SEMA5A: variants seen among roughly 807,000 people sequenced by gnomAD.
SEMA5A encodes semaphorin 5A.
Under a neutral mutation model 135.5 loss-of-function variants are expected in SEMA5A, and 55 were observed. The observed-to-expected ratio is 0.41, with a 90% CI of 0.33 to 0.51. SEMA5A has a LOEUF of 0.51. SEMA5A is among the 20% of genes least tolerant of loss of function. The pLI, the probability that SEMA5A is intolerant of heterozygous loss-of-function variation, is 0.37. For missense variants in SEMA5A, 1,290 were observed against 1,419.9 expected (o/e 0.91, Z 1.47); for synonymous variants, 580 against 546.5 (o/e 1.06, Z -0.85).
At chr5:9,236,916 G>GTA (rs1481885462) in intron 6 of SEMA5A, among the ~76,000 whole-genome samples, 2 of 151,956 alleles carry the variant, frequency 1.3e-5, no homozygotes, top group Non-Finnish European at 2.9e-5. Context: ...ATGAAATTGG[G>GTA]TAAAAAAAAG....
chr5:9,157,950 T>C (rs1743045693), intron 11 of SEMA5A, among the ~76,000 whole-genome samples: 1 of 152,256 alleles, frequency 6.6e-6, no homozygotes, highest in Admixed American at 6.5e-5. Flanking sequence ...ACATTTACCA[T>C]GGTTTTAGTT....
chr5:9,237,249 T>C (rs1317758251), intron 6 of SEMA5A, among the ~76,000 whole-genome samples: 2 of 152,162 alleles, frequency 1.3e-5, no homozygotes, highest in African/African-American at 2.4e-5. Flanking sequence ...AGGCAAAGAA[T>C]CACGCATCTT....
chr5:9,363,834 C>A (rs2126394385), intron 3 of SEMA5A, among the ~76,000 whole-genome samples: 1 of 152,252 alleles, frequency 6.6e-6, no homozygotes, highest in Non-Finnish European at 1.5e-5. Flanking sequence ...GTAGCAAAAA[C>A]TATTTTCAAT....
At chr5:9,070,347 G>A (rs1302157104) in intron 16 of SEMA5A, among the ~76,000 whole-genome samples, 4 of 152,092 alleles carry the variant, frequency 2.6e-5, no homozygotes, top group South Asian at 2.1e-4. Flanking sequence ...CTCCAGCCTG[G>A]GCAGCAGAGT....
chr5:9,346,703 G>T lies in SEMA5A; in HGVS notation c.125-8891C>A, dbSNP rs77911829. Reference sequence around the variant, plus strand: ...CTGCTAGTGCCAAAGTGGCCAGCTGGTTCCAGCGTGTGTGCACTCCATTTC... The same window carrying T: ...CTGCTAGTGCCAAAGTGGCCAGCTGTTTCCAGCGTGTGTGCACTCCATTTC... On this transcript the variant is annotated intron_variant, in intron 3 of 22. Coordinates refer to ENST00000382496, the MANE Select transcript of SEMA5A (RefSeq NM_003966.3). Among the ~76,000 whole-genome samples, 3 of 152,156 alleles carry T rather than the reference G, an allele frequency of 2.0e-5. No homozygotes were observed. The East Asian group carries it at 5.8e-4, about 29-fold the overall frequency.
chr5:9,393,551 A>G lies in SEMA5A; in HGVS notation c.-77-13528T>C, dbSNP rs114843137. 6.7e-3 allele frequency among the ~76,000 whole-genome samples: 1,023 copies of G among 152,366 alleles called. 16 individuals are homozygous for G. The highest frequency in any genetic ancestry group is 0.024 in the African/African-American group (978 of 41,582). On this transcript the variant is annotated intron_variant, in intron 2 of 22. Transcript: ENST00000382496. ...TTCCCATGCCCTGTAATATGGAGAT[A>G]AAAACCATAGCTTAAAATTATATGA...
intron 1 of SEMA5A, among the ~76,000 whole-genome samples, chr5:9,519,274 C>G (rs983443584): frequency 1.3e-5 from 2 of 152,174 alleles, no homozygotes; most frequent in African/African-American, 4.8e-5. Flanking sequence ...AATTCTAAAA[C>G]CTTTTTCCCA....
At chr5:9,210,410 A>G (rs1404573659) in intron 8 of SEMA5A, among the ~76,000 whole-genome samples, 1 of 152,184 alleles carries the variant, frequency 6.6e-6, no homozygotes, top group Non-Finnish European at 1.5e-5. Flanking sequence ...TTAAATTACC[A>G]CACAGGCTTT....
intron 11 of SEMA5A, among the ~76,000 whole-genome samples, chr5:9,170,225 A>G (rs1359341178): frequency 6.6e-6 from 1 of 152,136 alleles, no homozygotes; most frequent in Admixed American, 6.5e-5. Flanking sequence ...AGCTGTGTGC[A>G]TGAACATGGG....
At chr5:9,464,283 A>G (rs772211954) in intron 1 of SEMA5A, among the ~76,000 whole-genome samples, 13 of 152,226 alleles carry the variant, frequency 8.5e-5, no homozygotes, top group Non-Finnish European at 1.6e-4. Context: ...TTGCTTCCCT[A>G]TTTGGAAGAT....
At chr5:9,410,624 C>T (rs1757069748) in intron 2 of SEMA5A, among the ~76,000 whole-genome samples, 3 of 152,200 alleles carry the variant, frequency 2.0e-5, no homozygotes, top group Admixed American at 2.0e-4. Flanking sequence ...AAACCAAACA[C>T]TGCATGTTCT....
chr5:9,477,062 T>G (rs1759696838), intron 1 of SEMA5A, among the ~76,000 whole-genome samples: 1 of 152,148 alleles, frequency 6.6e-6, no homozygotes, highest in Non-Finnish European at 1.5e-5. Flanking sequence ...AGTTTCCCCA[T>G]GCTGTTCTCA....
At chr5:9,092,674 G>A (rs1409159066) in intron 16 of SEMA5A, among the ~76,000 whole-genome samples, 1 of 152,200 alleles carries the variant, frequency 6.6e-6, no homozygotes, top group Non-Finnish European at 1.5e-5. Flanking sequence ...ACTAAGAGTA[G>A]CTCCATTTTA....
intron 6 of SEMA5A, among the ~76,000 whole-genome samples, chr5:9,229,637 C>T (rs1260653478): frequency 6.6e-6 from 1 of 151,556 alleles, no homozygotes; most frequent in East Asian, 1.9e-4. Context: ...AAATTACAAA[C>T]AGAATAGAAG....
chr5:9,323,170 A>G (rs1271623797), intron 4 of SEMA5A, among the ~76,000 whole-genome samples: 1 of 152,218 alleles, frequency 6.6e-6, no homozygotes, highest in Non-Finnish European at 1.5e-5. Context: ...TGAAAGAGAT[A>G]AACTATACAA....
intron 16 of SEMA5A, among the ~76,000 whole-genome samples, chr5:9,107,847 A>T (rs1740006540): frequency 6.6e-6 from 1 of 152,102 alleles, no homozygotes; most frequent in African/African-American, 2.4e-5. Flanking sequence ...AGGACCTGGT[A>T]CCTCCAGAGC....
At chr5:9,189,110 G>A (rs1207824263) in intron 11 of SEMA5A, among the ~76,000 whole-genome samples, 2 of 152,232 alleles carry the variant, frequency 1.3e-5, no homozygotes, top group Non-Finnish European at 2.9e-5. Context: ...TGCAGGGCTG[G>A]CCCTGCCTTC....
chr5:9,175,200 G>A (rs1744138916), intron 11 of SEMA5A, among the ~76,000 whole-genome samples: 1 of 151,986 alleles, frequency 6.6e-6, no homozygotes, highest in Non-Finnish European at 1.5e-5. Flanking sequence ...TGTTCATGGA[G>A]GGTCAAGTTA....
chr5:9,076,137 G>C (rs975242779), intron 16 of SEMA5A, among the ~76,000 whole-genome samples: 1 of 150,502 alleles, frequency 6.6e-6, no homozygotes, highest in East Asian at 2.0e-4. Context: ...CCCGGGAAGC[G>C]GAGATTGCAG....
Sources: gnomAD v4.1 joint callset for allele counts (sites outside exome capture counted in the v4.1 genomes callset) on GRCh38, gnomAD v4.1.1 for gene constraint, MANE v1.5 for transcripts, NCBI Gene and HGNC (gene_info 2026-07-23, HGNC 2026-07-21) for gene names.